The following GTF2E2 variants were observed in gnomAD, a reference collection of about 807,000 sequenced individuals.
GTF2E2 encodes general transcription factor IIE subunit 2.
In GTF2E2, 21 loss-of-function variants were observed where a neutral mutation model predicts 40.5. The observed-to-expected ratio is 0.52, with a 90% CI of 0.37 to 0.75. GTF2E2 has a LOEUF of 0.75. Among genes scored for constraint, GTF2E2 ranks in the 30% least tolerant of loss-of-function variants. The probability of loss-of-function intolerance (pLI) is 0.00; values close to 1 mark genes in which losing one functional copy is unlikely to be tolerated. For missense variants in GTF2E2, 298 were observed against 338.4 expected (o/e 0.88, Z 0.94); for synonymous variants, 117 against 121.6 (o/e 0.96, Z 0.25).
At chr8:30,586,004 C>T (rs138435391) in intron 6 of GTF2E2, among the ~76,000 whole-genome samples, 1 of 152,096 alleles carries the variant, frequency 6.6e-6, no homozygotes, top group East Asian at 1.9e-4. Context: ...AGAGCTTGAA[C>T]CCAGTTTGAC....
chr8:30,611,342 A>C (rs1000689861), intron 5 of GTF2E2, among the ~76,000 whole-genome samples: 6 of 152,252 alleles, frequency 3.9e-5, no homozygotes, highest in African/African-American at 1.2e-4. Flanking sequence ...TATGACCCAT[A>C]AAAGAGACAG....
At chr8:30,633,354 T>C (rs1801496060) in intron 3 of GTF2E2, among the ~76,000 whole-genome samples, 1 of 152,202 alleles carries the variant, frequency 6.6e-6, no homozygotes, top group Admixed American at 6.5e-5. Context: ...GAGTTTGTTT[T>C]TATACTTTTA....
At chr8:30,623,684 CCTGA>C (rs1415297467) in intron 3 of GTF2E2, among the ~76,000 whole-genome samples, 4 of 151,930 alleles carry the variant, frequency 2.6e-5, no homozygotes, top group African/African-American at 9.7e-5. Context: ...CCTGTTGTTT[CCTGA>C]CTTTTTAATG....
rs763006801 is a variant in GTF2E2, at chr8:30,653,556, G to A, written c.43C>T (p.Arg15Ter). The change falls in exon 2 of 8, where the codon CGA becomes TGA. Residue 15 changes from arginine to a stop codon, truncating the protein, a stop_gained. Transcript: ENST00000355904. LOFTEE classifies it high-confidence loss of function. The stretch of plus-strand genomic sequence containing the variant: ...TCTACTACAGGAGTAGAAAGAGCTC[G>A]TTTTTTGAACAGCTCCCTTTCTCTC... ...LLRERELFKKRALSTPVVEKR... is the reference protein window; with the variant it reads ...LLRERELFKK 4.3e-6 allele frequency: 7 copies of A among 1,613,142 alleles called. No individual in the cohort carries two copies. Among genetic ancestry groups the A allele is most frequent in the South Asian group, 2.2e-5 (2 of 91,010 alleles).
intron 2 of GTF2E2, chr8:30,644,631 T>TA (rs1801994265): frequency 6.6e-6 from 1 of 152,176 alleles, no homozygotes; most frequent in Admixed American, 6.5e-5. Flanking sequence ...TTGAAGAACA[T>TA]AACCTTAAAA....
chr8:30,601,545 A>G (rs1829180644), intron 6 of GTF2E2, among the ~76,000 whole-genome samples: 1 of 152,126 alleles, frequency 6.6e-6, no homozygotes, highest in Admixed American at 6.6e-5. Context: ...CCCACACCAA[A>G]AAAAAACTAC....
At position 30,604,694 on chromosome 8, in the gene GTF2E2, G is replaced by A. The variant is rs139212585; in HGVS notation, c.643+2363C>T. Among the ~76,000 whole-genome samples, 134 of 152,258 alleles carry A rather than the reference G, an allele frequency of 8.8e-4. 1 individual carries two copies. Among genetic ancestry groups the A allele is most frequent in the Non-Finnish European group, 1.5e-3 (102 of 67,998 alleles). On this transcript the variant is annotated intron_variant, in intron 6 of 7. Coordinates refer to ENST00000355904, the MANE Select transcript of GTF2E2 (RefSeq NM_002095.6). Reference sequence around the variant, plus strand: ...CACGGAACACATATCCATGATGCATGTTTAATTTCTGCATCACATATGCTA... The same window carrying A: ...CACGGAACACATATCCATGATGCATATTTAATTTCTGCATCACATATGCTA...
At chr8:30,640,678 A>C (rs1801784659) in intron 2 of GTF2E2, among the ~76,000 whole-genome samples, 1 of 152,196 alleles carries the variant, frequency 6.6e-6, no homozygotes, top group South Asian at 2.1e-4. Context: ...ACTAAGTCGC[A>C]GGATAGGAGA....
intron 6 of GTF2E2, among the ~76,000 whole-genome samples, chr8:30,585,772 T>TAAAAA (rs146018850): frequency 4.4e-5 from 3 of 67,660 alleles, no homozygotes; most frequent in South Asian, 8.2e-4. Flanking sequence ...CTTTGCCCTT[T>TAAAAA]AAAAAAAAAA....
At chr8:30,635,904 T>G (rs1313819600) in intron 2 of GTF2E2, among the ~76,000 whole-genome samples, 1 of 152,066 alleles carries the variant, frequency 6.6e-6, no homozygotes, top group Non-Finnish European at 1.5e-5. Flanking sequence ...TAATGGAAAC[T>G]AATAGAAAAA....
chr8:30,600,004 G>A (rs111960161), intron 6 of GTF2E2, among the ~76,000 whole-genome samples: 1,967 of 152,080 alleles, frequency 0.013, 51 homozygotes, highest in African/African-American at 0.044. Flanking sequence ...AATAAATAAT[G>A]ATCTAAAACA....
At chr8:30,633,144 T>C (rs1370417113) in intron 3 of GTF2E2, among the ~76,000 whole-genome samples, 1 of 152,178 alleles carries the variant, frequency 6.6e-6, no homozygotes, top group Non-Finnish European at 1.5e-5. Context: ...CTTAGAGCTT[T>C]ACGGTCATAG....
rs1260006547 is a variant in GTF2E2, at chr8:30,653,500, T to C, written c.99A>G (p.Ser33=). The stretch of plus-strand genomic sequence containing the variant: ...TTGTTTTCTTCTTCTTTGACGATGA[T>C]GATGATGACTCAGAAGATGCTGAAC... ...EKRSASSESS[S]SSSKKKKTKV... Residue 33 remains serine, a synonymous_variant, in exon 2 of 8, where the codon TCA becomes TCG. Transcript: ENST00000355904. 1.2e-6 allele frequency: 2 copies of C among 1,613,494 alleles called. No individual in the cohort carries two copies. Among genetic ancestry groups the C allele is most frequent in the Non-Finnish European group, 1.7e-6 (2 of 1,179,548 alleles).
chr8:30,652,396 T>A (rs1586012793), intron 2 of GTF2E2, among the ~76,000 whole-genome samples: 1 of 152,106 alleles, frequency 6.6e-6, no homozygotes, highest in African/African-American at 2.4e-5. Flanking sequence ...CTCAGTTTTT[T>A]TTATGGGCAA....
chr8:30,627,464 A>AC (rs1801317045), intron 3 of GTF2E2, among the ~76,000 whole-genome samples: 3 of 151,464 alleles, frequency 2.0e-5, no homozygotes, highest in Admixed American at 6.6e-5. Flanking sequence ...AAAAAAAAAA[A>AC]AAAAAAACTC....
intron 6 of GTF2E2, among the ~76,000 whole-genome samples, chr8:30,594,513 T>A (rs963039229): frequency 6.6e-5 from 10 of 151,008 alleles, no homozygotes; most frequent in Non-Finnish European, 1.5e-4. Flanking sequence ...AGTGGGTTTC[T>A]TATAGACAGT....
chr8:30,658,225 T>G lies in GTF2E2; in HGVS notation c.-257A>C, dbSNP rs1014424978. On this transcript the variant is annotated 5_prime_UTR_variant, in exon 1 of 8. Coordinates refer to ENST00000355904, the MANE Select transcript of GTF2E2 (RefSeq NM_002095.6). ...CGCCCGCCACTTCCCGATCGGGTGC[T>G]AGGAGCTCAGTCCCGGCAGCCACCG... The G allele has an allele frequency of 1.1e-5, 2 of 176,682 alleles. No individual in the cohort carries two copies. Among genetic ancestry groups the G allele is most frequent in the African/African-American group, 2.4e-5 (1 of 41,674 alleles). The allele number at this position is 176,682 out of a possible 1,614,324, so 10.9% of individuals were successfully genotyped here.
intron 5 of GTF2E2, among the ~76,000 whole-genome samples, chr8:30,610,799 C>A (rs1829456703): frequency 6.6e-6 from 1 of 152,138 alleles, no homozygotes; most frequent in African/African-American, 2.4e-5. Context: ...ACTAAAGGCA[C>A]AGGCAACAAA....
At chr8:30,648,702 C>T (rs1802179060) in intron 2 of GTF2E2, among the ~76,000 whole-genome samples, 1 of 152,338 alleles carries the variant, frequency 6.6e-6, no homozygotes, top group East Asian at 1.9e-4. Flanking sequence ...GCACAGAACT[C>T]ACAAACATTT....
Sources: allele counts gnomAD v4.1 joint callset (sites outside exome capture counted in the v4.1 genomes callset), GRCh38; gene constraint gnomAD v4.1.1; transcripts MANE v1.5; gene names NCBI Gene and HGNC (gene_info 2026-07-23, HGNC 2026-07-21).